Variants in NKIRAS1 observed in about 807,000 individuals in gnomAD.
The protein encoded by NKIRAS1 is NF-kappa-B inhibitor-interacting Ras-like protein 1.
In NKIRAS1, 16 loss-of-function variants were observed where a neutral mutation model predicts 19.8. That is an observed-to-expected ratio of 0.81 (90% CI 0.55 to 1.23). NKIRAS1 has a LOEUF of 1.23. Ranked by LOEUF, NKIRAS1 falls within the 50% of genes most tolerant of loss-of-function variation. The probability of loss-of-function intolerance (pLI) is 0.00; values close to 1 mark genes in which losing one functional copy is unlikely to be tolerated. For synonymous variants in NKIRAS1, 88 were observed against 79.0 expected (o/e 1.11, Z -0.61); for missense variants, 184 against 220.0 (o/e 0.84, Z 1.04).
rs1407564872 is a variant in NKIRAS1 at position 23,943,954 on chromosome 3, T to C, written c.-140+2369A>G. Among the ~76,000 whole-genome samples, 3 of 152,230 alleles carry C rather than the reference T, an allele frequency of 2.0e-5. No individual in the cohort carries two copies. In the East Asian group the frequency reaches 5.8e-4, roughly 29 times the overall value. On this transcript the variant is annotated intron_variant, in intron 1 of 4. Coordinates refer to the NKIRAS1 transcript ENST00000421515. ...TTCAGCAGAGTAATCAGATCTTATT[T>C]ACATTTTAAAAATAATACTTTGACT...
At position 23,922,428 on chromosome 3, in the gene NKIRAS1, C is replaced by T. The variant is rs1705120604; in HGVS notation, c.-139-10978G>A. On this transcript the variant is annotated intron_variant, in intron 1 of 4. Transcript: ENST00000421515. The surrounding 1 kb of genome is among the most constrained non-coding windows in gnomAD (Gnocchi z 4.2). ...TTTGGTTTTTTTTGAGATGGAGTCT[C>T]ACTGTGTCGCAAGGCTGGAGTGCAG... The T allele has an allele frequency of 6.6e-6, 1 of 152,280 alleles. No individual in the cohort carries two copies. The highest frequency in any genetic ancestry group is 2.4e-5 in the African/African-American group (1 of 41,438). 9.4% of individuals were successfully genotyped at this position (152,280 alleles called of 1,614,324 possible).
intron 4 of NKIRAS1, among the ~76,000 whole-genome samples, chr3:23,893,856 A>G (rs928464266): frequency 6.6e-6 from 1 of 152,034 alleles, no homozygotes; most frequent in African/African-American, 2.4e-5. Flanking sequence ...ACTGTAAAAA[A>G]AAAAAAATTA....
intron 1 of NKIRAS1, among the ~76,000 whole-genome samples, chr3:23,941,593 C>T (rs534137959): frequency 9.9e-4 from 150 of 152,254 alleles, no homozygotes; most frequent in African/African-American, 3.4e-3. Context: ...AATGAGGCTC[C>T]TTGGAATGAC....
chr3:23,920,354 G>A (rs191714155), upstream of NKIRAS1: 11 of 985,486 alleles, frequency 1.1e-5, no homozygotes, highest in Non-Finnish European at 1.3e-5. Context: ...CACTCCCATA[G>A]GCTACAGAAA....
At chr3:23,908,042 T>A (rs1575090326) in intron 3 of NKIRAS1, among the ~76,000 whole-genome samples, 1 of 152,198 alleles carries the variant, frequency 6.6e-6, no homozygotes, top group South Asian at 2.1e-4. Flanking sequence ...TCAATAAAAT[T>A]TGAGCTTTCA....
At chr3:23,893,378 C>A in intron 4 of NKIRAS1, 41 bp from the exon 5 acceptor site, 1 of 1,560,380 alleles carries the variant, frequency 6.4e-7, no homozygotes. Context: ...TAGTACTTTG[C>A]CAACATCAGT....
intron 1 of NKIRAS1, among the ~76,000 whole-genome samples, chr3:23,914,970 T>TA (rs1317825400): frequency 6.6e-6 from 1 of 152,224 alleles, no homozygotes; most frequent in Non-Finnish European, 1.5e-5. Flanking sequence ...CTGCACTACT[T>TA]ACCATTTTCA....
At chr3:23,917,980 C>T (rs1704751960), upstream of NKIRAS1, 5 of 1,612,922 alleles carry the variant, frequency 3.1e-6, no homozygotes, top group Non-Finnish European at 4.2e-6. Flanking sequence ...CAGGGCTCCC[C>T]GCCCCACCCG....
At chr3:23,934,280 C>T (rs755211136) in intron 1 of NKIRAS1, among the ~76,000 whole-genome samples, 4 of 152,128 alleles carry the variant, frequency 2.6e-5, no homozygotes, top group African/African-American at 4.8e-5. Flanking sequence ...CTTTCCTCAC[C>T]CCCAAACAAA....
intron 1 of NKIRAS1, among the ~76,000 whole-genome samples, chr3:23,934,055 A>G (rs1705356844): frequency 6.6e-6 from 1 of 152,228 alleles, no homozygotes; most frequent in Non-Finnish European, 1.5e-5. Context: ...TTAAGTTTCA[A>G]TATATTAATT....
At chr3:23,894,351 TCTTC>T (rs1293395183) in intron 4 of NKIRAS1, among the ~76,000 whole-genome samples, 2 of 152,214 alleles carry the variant, frequency 1.3e-5, no homozygotes, top group Non-Finnish European at 2.9e-5. Flanking sequence ...ACCACTACTG[TCTTC>T]CTTCCTGTCT....
upstream of NKIRAS1, chr3:23,921,523 C>G (rs1705078856): frequency 5.9e-6 from 4 of 674,118 alleles, no homozygotes; most frequent in Non-Finnish European, 8.0e-6. Flanking sequence ...ATTTGCTTTA[C>G]TATTTCTATA....
intron 1 of NKIRAS1, among the ~76,000 whole-genome samples, chr3:23,941,655 A>G (rs1575136715): frequency 6.6e-6 from 1 of 152,270 alleles, no homozygotes; most frequent in South Asian, 2.1e-4. Flanking sequence ...GTACTGCCCA[A>G]CCAGAGGATG....
At chr3:23,918,711 T>C (rs1704864808), upstream of NKIRAS1, 2 of 1,046,820 alleles carry the variant, frequency 1.9e-6, no homozygotes. Context: ...TTACTAATCT[T>C]GGTGAAGAGT....
intron 1 of NKIRAS1, among the ~76,000 whole-genome samples, chr3:23,932,324 T>C (rs1012761730): frequency 8.6e-5 from 13 of 151,976 alleles, no homozygotes; most frequent in Non-Finnish European, 1.8e-4. Context: ...TATACAGAGG[T>C]CCCTTACTTA....
At chr3:23,898,577 G>A (rs1181642577) in intron 4 of NKIRAS1, among the ~76,000 whole-genome samples, 1 of 151,982 alleles carries the variant, frequency 6.6e-6, no homozygotes, top group African/African-American at 2.4e-5. Flanking sequence ...CTGAGTAGCT[G>A]GGATTACAGG....
At chr3:23,906,345 A>G (rs905387059) in intron 3 of NKIRAS1, among the ~76,000 whole-genome samples, 4 of 152,162 alleles carry the variant, frequency 2.6e-5, no homozygotes, top group African/African-American at 9.7e-5. Context: ...AACTAGCAAA[A>G]GGTATAAACA....
At chr3:23,893,780 CTG>C (rs974107759) in intron 4 of NKIRAS1, among the ~76,000 whole-genome samples, 6 of 117,776 alleles carry the variant, frequency 5.1e-5, no homozygotes, top group African/African-American at 2.1e-4. Context: ...GCCTGGGTGA[CTG>C]TGCAAGACTC....
At position 23,910,922 on chromosome 3, in the gene NKIRAS1, C is replaced by T. The variant is rs890987201; in HGVS notation, c.-17-1G>A. 7 of 1,601,272 alleles carry T rather than the reference C, an allele frequency of 4.4e-6. No homozygotes were observed. Among genetic ancestry groups the T allele is most frequent in the Non-Finnish European group, 6.0e-6 (7 of 1,168,322 alleles). On this transcript the variant is annotated splice_acceptor_variant, in intron 2 of 4. Transcript: ENST00000425478. LOFTEE classifies it low-confidence loss of function (5UTR_SPLICE). Reference sequence around the variant, plus strand: ...TTTCCCATCTTCTCTCAGGATATCACTGTGGAGAGAATAACAGGTCTTTTA... The same window carrying T: ...TTTCCCATCTTCTCTCAGGATATCATTGTGGAGAGAATAACAGGTCTTTTA...
Sources: gnomAD v4.1 joint callset for allele counts (sites outside exome capture counted in the v4.1 genomes callset) on GRCh38, gnomAD v4.1.1 for gene constraint, Gnocchi (gnomAD v3.1) non-coding constraint, MANE v1.5 for transcripts, NCBI Gene and HGNC (gene_info 2026-07-23, HGNC 2026-07-21) for gene names.